Variants in PLD4 observed in about 807,000 individuals in gnomAD.
PLD4 encodes the protein 5'-3' exonuclease PLD4.
A neutral mutation model predicts 52.3 loss-of-function variants in PLD4; 54 were observed. The ratio of observed to expected loss-of-function variants is 1.03; its 90% CI spans 0.83 to 1.30. PLD4 has a LOEUF of 1.30. Among genes scored for constraint, PLD4 ranks in the 50% most tolerant of loss-of-function variants. PLD4 has a pLI of 0.00. For missense variants in PLD4, 731 were observed against 671.1 expected, an observed-to-expected ratio of 1.09 and a Z score of -0.99; for synonymous variants, 264 against 286.5, an observed-to-expected ratio of 0.92 and a Z score of 0.79.
In PLD4 at chr14:104,933,110, C is replaced by T; in HGVS notation, c.*146C>T. ...CTGCGACCGCCCGGGCGTCGCAAAC[C>T]GCCCGCCTGCTCTCTGATTTCCGAG... On this transcript the variant is annotated 3_prime_UTR_variant, in exon 11 of 11. Coordinates refer to ENST00000392593, the MANE Select transcript of PLD4 (RefSeq NM_138790.5). 5.7e-6 allele frequency: 5 copies of T among 878,484 alleles called. No homozygotes were observed. The highest frequency in any genetic ancestry group is 1.9e-5 in the South Asian group (1 of 51,406). 54.4% of individuals were successfully genotyped at this position (878,484 alleles called of 1,614,324 possible).
chr14:104,936,629 GGCTCACA>G (rs1465710212), downstream of PLD4: 1 of 152,476 alleles, frequency 6.6e-6, no homozygotes, highest in African/African-American at 2.4e-5. Flanking sequence ...CCTCCAGATT[GGCTCACA>G]GCCCAGCTCT....
At chr14:104,929,263 A>G in intron 4 of PLD4, 44 bp from the exon 5 acceptor site, 2 of 1,576,928 alleles carry the variant, frequency 1.3e-6, no homozygotes, top group Non-Finnish European at 1.7e-6. Flanking sequence ...TGCGGAGGAG[A>G]GGGCAGCCTG....
intron 1 of PLD4, among the ~76,000 whole-genome samples, chr14:104,926,901 G>C (rs1418677158): frequency 6.6e-6 from 1 of 152,214 alleles, no homozygotes; most frequent in African/African-American, 2.4e-5. Context: ...CTTCCGGCTT[G>C]GCCAGGGGGA....
rs755786121 is a variant in PLD4, at chr14:104,930,099, G to A, written c.711G>A (p.Leu237=). Residue 237 remains leucine, a synonymous_variant, in exon 6 of 11, where the codon CTG becomes CTA. Coordinates refer to ENST00000392593, the MANE Select transcript of PLD4 (RefSeq NM_138790.5). Reference sequence around the variant, plus strand: ...GTGCCAACATGGACTGGCGGTCTCTGACGCAGGTGAGTGCCAGGGCCCTAA... The same window carrying A: ...GTGCCAACATGGACTGGCGGTCTCTAACGCAGGTGAGTGCCAGGGCCCTAA... ...MGSANMDWRS[L]TQVKELGAVI... is the part of the protein sequence containing the mutation. 8.7e-6 allele frequency: 14 copies of A among 1,613,176 alleles called. No individual in the cohort carries two copies. The highest frequency in any genetic ancestry group is 5.3e-5 in the African/African-American group (4 of 74,942).
In PLD4 at chr14:104,932,719, G is replaced by A; in HGVS notation, c.1322-46G>A. ...CTGGCGCTGAGCGGGCTGCAGAGGG[G>A]CCTGTGGGAGCCGGCGCCCCAGTGT... On this transcript the variant is annotated intron_variant, in intron 10 of 10. Transcript: ENST00000392593. This position sits in a 1 kb window ranked among gnomAD's most constrained non-coding sequence, Gnocchi z 6.5. The A allele has an allele frequency of 1.4e-5, 21 of 1,473,404 alleles. No homozygotes were observed. The highest frequency in any genetic ancestry group is 2.2e-4 in the Middle Eastern group (1 of 4,594). 91.3% of individuals were successfully genotyped at this position (1,473,404 alleles called of 1,614,324 possible).
chr14:104,933,041 T>TTCC lies in PLD4; in HGVS notation c.*81_*83dup, dbSNP rs1374732752. On this transcript the variant is annotated 3_prime_UTR_variant, in exon 11 of 11. Coordinates refer to ENST00000392593, the MANE Select transcript of PLD4 (RefSeq NM_138790.5). ...TGACCCCGGCCTGGGCTTCAGCCGC[T>TTCC]TCCTCCCGCAAGCAGCCCGGGTCCG... is the stretch of plus-strand genomic sequence containing the variant. 7.0e-7 allele frequency: 1 copy of TTCC among 1,433,252 alleles called. No individual in the cohort carries two copies. The highest frequency in any genetic ancestry group is 1.5e-5 in the African/African-American group (1 of 68,390). 88.8% of individuals were successfully genotyped at this position (1,433,252 alleles called of 1,614,324 possible). A position where few individuals can be genotyped will look rare whatever the true frequency, so the allele number is the denominator to read the frequency against.
rs764276440 is a variant in PLD4, at chr14:104,930,079, A to C, written c.691A>C (p.Asn231His). Residue 231 changes from asparagine (N) to histidine (H), a missense_variant, in exon 6 of 11, where the codon AAC (asparagine) becomes CAC (histidine). Transcript: ENST00000392593. ...ACGGCACATATACATGGGCAGTGCC[A>C]ACATGGACTGGCGGTCTCTGACGCA... The part of the protein sequence containing the change: ...DGRHIYMGSA[N>H]MDWRSLTQVK... The C allele has an allele frequency of 9.9e-6, 16 of 1,613,438 alleles. No homozygotes were observed. In the East Asian group the frequency reaches 3.6e-4, roughly 36 times the overall value.
intron 2 of PLD4, 150 bp from the exon 3 acceptor site, chr14:104,927,523 C>T: frequency 1.1e-6 from 1 of 907,818 alleles, no homozygotes; most frequent in South Asian, 1.8e-5. Context: ...ACCCTCCCCT[C>T]TCCCTTGTCC....
chr14:104,927,222 GC>G lies in PLD4; in HGVS notation c.83del (p.Ala28ValfsTer210). ...MPPRRPWDRE[A>X]GTLQVLGALA... is the part of the protein sequence containing the mutation. ...GCCCCGCCGCCCGTGGGACAGAGAG[GC>G]TGGCACGGTAGGACTGGGGGGCCCC... On this transcript the variant is annotated frameshift_variant, in exon 2 of 11. Coordinates refer to ENST00000392593, the MANE Select transcript of PLD4 (RefSeq NM_138790.5). LOFTEE classifies it high-confidence loss of function. The G allele has an allele frequency of 6.5e-7, 1 of 1,548,360 alleles. No individual in the cohort carries two copies. The highest frequency in any genetic ancestry group is 8.7e-7 in the Non-Finnish European group (1 of 1,146,552).
chr14:104,925,703 C>T (rs572841501), intron 1 of PLD4, among the ~76,000 whole-genome samples: 2 of 152,020 alleles, frequency 1.3e-5, no homozygotes, highest in Admixed American at 6.5e-5. Flanking sequence ...AGCAAAGGCC[C>T]GATGCTGGGC....
chr14:104,931,819 C>A lies in PLD4; in HGVS notation c.990C>A (p.Ser330Arg). 1 of 1,574,068 alleles carries A rather than the reference C, an allele frequency of 6.4e-7. No individual in the cohort carries two copies. The highest frequency in any genetic ancestry group is 2.3e-5 in the East Asian group (1 of 43,542). ...AGGCGCTGCTGGCGGTGATGGGGAGCGCCCAGGAGTTCATCTATGCCTCCG... is the reference window on the plus strand; with the variant it reads ...AGGCGCTGCTGGCGGTGATGGGGAGAGCCCAGGAGTTCATCTATGCCTCCG... ...DLEALLAVMG[S>R]AQEFIYASVM... Residue 330 changes from serine (S) to arginine (R), a missense_variant, in exon 8 of 11, where the codon AGC (serine) becomes AGA (arginine). Coordinates refer to ENST00000392593, the MANE Select transcript of PLD4 (RefSeq NM_138790.5).
intron 7 of PLD4, among the ~76,000 whole-genome samples, chr14:104,931,347 C>T (rs1432663143): frequency 2.0e-5 from 3 of 152,002 alleles, no homozygotes; most frequent in Non-Finnish European, 4.4e-5. Context: ...GCAGATCCTC[C>T]TTTATCAGCC....
At position 104,932,701 on chromosome 14, in the gene PLD4, T is replaced by C; in HGVS notation, c.1322-64T>C. 2 of 1,430,106 alleles carry C rather than the reference T, an allele frequency of 1.4e-6. No individual in the cohort carries two copies. The highest frequency in any genetic ancestry group is 2.9e-5 in the South Asian group (2 of 69,452). The allele number at this position is 1,430,106 out of a possible 1,614,324, so 88.6% of individuals were successfully genotyped here. On this transcript the variant is annotated intron_variant, in intron 10 of 10. Coordinates refer to ENST00000392593, the MANE Select transcript of PLD4 (RefSeq NM_138790.5). The surrounding 1 kb of genome is among the most constrained non-coding windows in gnomAD (Gnocchi z 6.5). ...CCAAACCCGTAGCCGGGCCTGGCGC[T>C]GAGCGGGCTGCAGAGGGGCCTGTGG...
chr14:104,937,706 C>G (rs1595386274), downstream of PLD4: 1 of 224,374 alleles, frequency 4.5e-6, no homozygotes, highest in Non-Finnish European at 8.7e-6. Context: ...ACCCTTTCCT[C>G]AAAGAAACAG....
In PLD4 at chr14:104,927,794, C is replaced by G. The variant is rs951273330; in HGVS notation, c.212C>G (p.Ser71Cys). The G allele has an allele frequency of 6.9e-6, 11 of 1,598,310 alleles. No individual in the cohort carries two copies. The highest frequency in any genetic ancestry group is 9.3e-6 in the Non-Finnish European group (11 of 1,177,036). The change falls in exon 3 of 11, where the codon TCC becomes TGC. Residue 71 changes from serine to cysteine, a missense_variant. Transcript: ENST00000392593. ...GTGCAGCCCAAGGACGTGCCCAGGT[C>G]CTGGGAGCATGGCTCCAGCCCAGCT... The part of the protein sequence containing the change: ...GQVQPKDVPR[S>C]WEHGSSPAWE...
chr14:104,932,767 AC>A lies in PLD4; in HGVS notation c.1326del (p.Ser443ProfsTer119). 1 of 1,563,622 alleles carries A rather than the reference AC, an allele frequency of 6.4e-7. No homozygotes were observed. Among genetic ancestry groups the A allele is most frequent in the Non-Finnish European group, 8.7e-7 (1 of 1,151,638 alleles). On this transcript the variant is annotated frameshift_variant, in exon 11 of 11. Coordinates refer to ENST00000392593, the MANE Select transcript of PLD4 (RefSeq NM_138790.5). LOFTEE classifies it low-confidence loss of function (END_TRUNC). This position sits in a 1 kb window ranked among gnomAD's most constrained non-coding sequence, Gnocchi z 6.5. ...TGTCTCCTCCATCCTCCCCGCAGGC[AC>A]CTCCAACTGGTCGGAGGATTACTTC... ...MVTEKAAYIG[T>X]SNWSEDYFSS...
At chr14:104,927,581 G>A in intron 2 of PLD4, 92 bp from the exon 3 acceptor site, 1 of 1,370,798 alleles carries the variant, frequency 7.3e-7, no homozygotes, top group Admixed American at 2.3e-5. Context: ...AGTCAAGACG[G>A]TCTCTGTCTC....
chr14:104,927,135 GTGCAGA>G lies in PLD4; in HGVS notation c.1-2_4del. On this transcript the variant is annotated splice_acceptor_variant and splice_polypyrimidine_tract_variant and coding_sequence_variant and 5_prime_UTR_variant and intron_variant, in exon 2 of 11. Transcript: ENST00000392593. LOFTEE classifies it high-confidence loss of function. Reference sequence around the variant, plus strand: ...GCTGCTGGTGATGCCAGGCTGCCCTGTGCAGATGCTGAAGCCTCTTTGGAAAGCAGC... The same window carrying G: ...GCTGCTGGTGATGCCAGGCTGCCCTGTGCTGAAGCCTCTTTGGAAAGCAGC... 1 of 1,551,180 alleles carries G rather than the reference GTGCAGA, an allele frequency of 6.4e-7. No individual in the cohort carries two copies. Among genetic ancestry groups the G allele is most frequent in the South Asian group, 1.2e-5 (1 of 83,658 alleles).
At position 104,927,174 on chromosome 14, in the gene PLD4, C is replaced by T. The variant is rs1897482983; in HGVS notation, c.34C>T (p.Pro12Ser). The change falls in exon 2 of 11, where the codon CCC (proline) becomes TCC (serine). Residue 12 changes from proline (P) to serine (S), a missense_variant. By Grantham distance (74) the Pro-to-Ser change is moderately conservative (BLOSUM62 -1). Coordinates refer to ENST00000392593, the MANE Select transcript of PLD4 (RefSeq NM_138790.5). ...GCCTCTTTGGAAAGCAGCAGTGGCC[C>T]CCACATGGCCATGCTCCATGCCGCC... ...LKPLWKAAVA[P>S]TWPCSMPPRR... 1.3e-6 allele frequency: 2 copies of T among 1,562,050 alleles called. No homozygotes were observed. The highest frequency in any genetic ancestry group is 1.9e-5 in the Admixed American group (1 of 52,732).
Sources: allele counts gnomAD v4.1 joint callset (sites outside exome capture counted in the v4.1 genomes callset), GRCh38; gene constraint gnomAD v4.1.1; non-coding constraint Gnocchi (gnomAD v3.1); transcripts MANE v1.5; gene names NCBI Gene and HGNC (gene_info 2026-07-23, HGNC 2026-07-21).